Variants in TBC1D32 observed in about 807,000 individuals in gnomAD.
TBC1D32 encodes the protein protein broad-minded.
Under a neutral mutation model 170.3 loss-of-function variants are expected in TBC1D32, and 151 were observed. The ratio of observed to expected loss-of-function variants is 0.89; its 90% confidence interval spans 0.78 to 1.01. The LOEUF (loss-of-function observed/expected upper bound fraction) is 1.01. TBC1D32 is among the 50% of genes least tolerant of loss of function. The probability of loss-of-function intolerance (pLI) is 0.00; values close to 1 mark genes in which losing one functional copy is unlikely to be tolerated. For synonymous variants in TBC1D32, 498 were observed against 488.0 expected, an observed-to-expected ratio of 1.02 and a Z score of -0.27; for missense variants, 1,464 against 1,457.1, an observed-to-expected ratio of 1.00 and a Z score of -0.08.
chr6:121,306,161 C>G (rs577943164), intron 5 of TBC1D32, among the ~76,000 whole-genome samples: 51 of 152,124 alleles, frequency 3.4e-4, no homozygotes, highest in African/African-American at 1.2e-3. Flanking sequence ...TTGAGCTGTT[C>G]CAGAAGTCTA....
chr6:121,110,281 A>AT (rs550142853), intron 29 of TBC1D32, among the ~76,000 whole-genome samples: 2,106 of 149,424 alleles, frequency 0.014, 13 homozygotes, highest in Middle Eastern at 0.031. Flanking sequence ...TATATATATA[A>AT]AAATATATAA....
chr6:121,148,560 C>A (rs1295896631), intron 24 of TBC1D32, among the ~76,000 whole-genome samples: 6 of 152,234 alleles, frequency 3.9e-5, no homozygotes, highest in Non-Finnish European at 5.9e-5. Context: ...GGAATTGCCA[C>A]ACCATCTTCC....
intron 15 of TBC1D32, among the ~76,000 whole-genome samples, chr6:121,278,117 A>C (rs910856420): frequency 6.6e-6 from 1 of 152,144 alleles, no homozygotes; most frequent in African/African-American, 2.4e-5. Context: ...ATGAATAACT[A>C]ATAACCTTCC....
intron 15 of TBC1D32, among the ~76,000 whole-genome samples, chr6:121,269,691 T>C (rs1048616811): frequency 7.9e-5 from 12 of 152,084 alleles, no homozygotes; most frequent in African/African-American, 2.9e-4. Context: ...CTGTCAACAT[T>C]AGACAGATCA....
rs200352559 is a variant in TBC1D32 at position 121,239,093 on chromosome 6, G to T, written c.2341C>A (p.Pro781Thr). Reference sequence around the variant, plus strand: ...ACCTTTTGACAGCTTCGGTCAATAGGATCCACTGGAGTAGTTCTGGGATGG... The same window carrying T: ...ACCTTTTGACAGCTTCGGTCAATAGTATCCACTGGAGTAGTTCTGGGATGG... ...VTHPRTTPVD[P>T]IDRSCQKSFL... Residue 781 changes from proline to threonine, a missense_variant, in exon 20 of 32, where the codon CCT becomes ACT. By Grantham distance (38) the Pro-to-Thr change is conservative. This residue lies in a region of TBC1D32 where 1,363 missense variants were observed against 1,338.1 expected (regional missense o/e 1.02). Coordinates refer to ENST00000398212, the MANE Select transcript of TBC1D32 (RefSeq NM_152730.6). 1.3e-6 allele frequency: 2 copies of T among 1,595,022 alleles called. No individual in the cohort carries two copies. Among genetic ancestry groups the T allele is most frequent in the African/African-American group, 1.3e-5 (1 of 74,758 alleles).
intron 17 of TBC1D32, among the ~76,000 whole-genome samples, chr6:121,249,827 T>C (rs940476656): frequency 6.6e-6 from 1 of 151,882 alleles, no homozygotes; most frequent in African/African-American, 2.4e-5. Context: ...TTGAAAGATA[T>C]CACAGATGAC....
intron 14 of TBC1D32, 63 bp downstream of exon 14, chr6:121,281,481 C>A: frequency 7.6e-7 from 1 of 1,310,588 alleles, no homozygotes; most frequent in Non-Finnish European, 1.1e-6. Flanking sequence ...AAATAAAGTC[C>A]CACTGAGTAT....
intron 19 of TBC1D32, among the ~76,000 whole-genome samples, chr6:121,239,433 A>G (rs1432393533): frequency 6.6e-6 from 1 of 152,138 alleles, no homozygotes; most frequent in Non-Finnish European, 1.5e-5. Context: ...TCCCTGGAAG[A>G]CTGCTGAATT....
At chr6:121,234,183 T>C (rs1322692725) in intron 20 of TBC1D32, among the ~76,000 whole-genome samples, 3 of 152,208 alleles carry the variant, frequency 2.0e-5, no homozygotes, top group Non-Finnish European at 2.9e-5. Context: ...CTGATGACCA[T>C]ATGCCTAGGC....
chr6:121,329,208 A>G (rs1263633966), intron 1 of TBC1D32, among the ~76,000 whole-genome samples: 1 of 151,052 alleles, frequency 6.6e-6, no homozygotes, highest in Non-Finnish European at 1.5e-5. Context: ...TTTCCCAAAA[A>G]AATGCAATTT....
At chr6:121,134,970 C>T (rs969187814) in intron 24 of TBC1D32, among the ~76,000 whole-genome samples, 2 of 152,082 alleles carry the variant, frequency 1.3e-5, no homozygotes, top group African/African-American at 2.4e-5. Context: ...GCCCCCCTGA[C>T]TGTTCTTGCT....
At position 121,162,561 on chromosome 6, in the gene TBC1D32, T is replaced by C. The variant is rs536561594; in HGVS notation, c.2571-1505A>G. ...TTGGAAATTCTAGCCAGGGCAATCA[T>C]GCAAGAGAAAGAAATCAAGTGCATT... On this transcript the variant is annotated intron_variant, in intron 22 of 31. Transcript: ENST00000398212. Among the ~76,000 whole-genome samples, 11 of 152,212 alleles carry C rather than the reference T, an allele frequency of 7.2e-5. No individual in the cohort carries two copies. The South Asian group carries it at 2.1e-3, about 29-fold the overall frequency.
At chr6:121,255,242 TGCCATAG>T in intron 17 of TBC1D32, 79 bp downstream of exon 17, 2 of 750,408 alleles carry the variant, frequency 2.7e-6, no homozygotes, top group Admixed American at 3.1e-5. Flanking sequence ...AAAACATTTT[TGCCATAG>T]TATTCTATTA....
At chr6:121,132,901 T>TA (rs1781599710) in intron 24 of TBC1D32, among the ~76,000 whole-genome samples, 1 of 151,986 alleles carries the variant, frequency 6.6e-6, no homozygotes, top group African/African-American at 2.4e-5. Context: ...TATACACATA[T>TA]ACATATGTAA....
At chr6:121,301,676 T>C (rs1563310741) in intron 9 of TBC1D32, among the ~76,000 whole-genome samples, 1 of 152,082 alleles carries the variant, frequency 6.6e-6, no homozygotes, top group Non-Finnish European at 1.5e-5. Context: ...CCCTGGAACT[T>C]AAAGTATAGT....
chr6:121,284,494 A>G (rs1321994052), intron 12 of TBC1D32, among the ~76,000 whole-genome samples: 1 of 152,160 alleles, frequency 6.6e-6, no homozygotes, highest in African/African-American at 2.4e-5. Context: ...ATATCACAAA[A>G]CACCCTTTTC....
chr6:121,206,495 A>G (rs1339271992), intron 21 of TBC1D32, among the ~76,000 whole-genome samples: 2 of 152,204 alleles, frequency 1.3e-5, no homozygotes, highest in Non-Finnish European at 2.9e-5. Context: ...ATCAAATTAA[A>G]AAAAGAGGCA....
rs370769625 is a variant in TBC1D32, at chr6:121,268,461, G to A, written c.1733+10660C>T. Among the ~76,000 whole-genome samples, 54 of 152,228 alleles carry A rather than the reference G, an allele frequency of 3.5e-4. 1 individual carries two copies. The highest frequency in any genetic ancestry group is 9.7e-4 in the East Asian group (5 of 5,172). ...AACCATGGCATGAGAACTACGTGAC[G>A]CATGCAAAAGCTTCAGTAGCCAGTT... On this transcript the variant is annotated intron_variant, in intron 15 of 31. Transcript: ENST00000398212.
intron 27 of TBC1D32, among the ~76,000 whole-genome samples, 193 bp from the exon 28 acceptor site, chr6:121,113,370 T>C (rs1297687662): frequency 6.6e-6 from 1 of 152,176 alleles, no homozygotes; most frequent in Admixed American, 6.5e-5. Context: ...TAAAGGAAGA[T>C]GAAACAGTAA....
Sources: allele counts gnomAD v4.1 joint callset (sites outside exome capture counted in the v4.1 genomes callset), GRCh38; gene constraint gnomAD v4.1.1; regional missense constraint gnomAD v4.1.1; transcripts MANE v1.5; gene names NCBI Gene and HGNC (gene_info 2026-07-23, HGNC 2026-07-21).